Variants in PRKG1 observed in about 807,000 individuals in gnomAD.
The protein encoded by PRKG1 is protein kinase cGMP-dependent 1, also known as cGMP-dependent protein kinase 1.
A neutral mutation model predicts 88.1 loss-of-function variants in PRKG1; 35 were observed. The observed-to-expected ratio is 0.40, with a 90% CI of 0.30 to 0.53. The LOEUF (loss-of-function observed/expected upper bound fraction) is 0.53, where lower values mean the gene tolerates loss of function less well. Ranked by LOEUF, PRKG1 falls within the 20% of genes least tolerant of loss-of-function variation. The pLI, the probability that PRKG1 is intolerant of heterozygous loss-of-function variation, is 0.59. For synonymous variants in PRKG1, 303 were observed against 292.5 expected, an observed-to-expected ratio of 1.04 and a Z score of -0.37; for missense variants, 540 against 839.8, an observed-to-expected ratio of 0.64 and a Z score of 4.41.
intron 8 of PRKG1, among the ~76,000 whole-genome samples, chr10:52,148,985 G>GTTTTTTTTTTTTTTTT (rs1837819341): frequency 1.3e-5 from 1 of 74,692 alleles, no homozygotes; most frequent in African/African-American, 6.7e-5. Flanking sequence ...TTTTTTTTTA[G>GTTTTTTTTTTTTTTTT]GTTTGGAAAG....
At chr10:51,902,199 T>A (rs1589405102) in intron 4 of PRKG1, among the ~76,000 whole-genome samples, 1 of 152,126 alleles carries the variant, frequency 6.6e-6, no homozygotes, top group African/African-American at 2.4e-5. Context: ...TCACCGCAAC[T>A]TCTGCCTCCC....
intron 7 of PRKG1, among the ~76,000 whole-genome samples, chr10:52,086,898 T>C (rs1280485226): frequency 6.6e-6 from 1 of 152,066 alleles, no homozygotes; most frequent in African/African-American, 2.4e-5. Flanking sequence ...GAAGCAAACA[T>C]GTCCTTTTTC....
intron 3 of PRKG1, among the ~76,000 whole-genome samples, chr10:51,500,992 C>A (rs915640071): frequency 6.6e-6 from 1 of 152,054 alleles, no homozygotes; most frequent in East Asian, 1.9e-4. Flanking sequence ...AAGTTCTGAG[C>A]GCTACGTTTC....
rs565030530 is a variant in PRKG1 at position 51,221,517 on chromosome 10, T to C, written c.478+68187T>C. ...CAGTTAACACTAAATTTTACAATGT[T>C]TGTAAATGTGGCTTAGAGGCCAGTC... On this transcript the variant is annotated intron_variant, in intron 2 of 17. Coordinates refer to ENST00000373980, the MANE Select transcript of PRKG1 (RefSeq NM_006258.4). 2.2e-4 allele frequency among the ~76,000 whole-genome samples: 33 copies of C among 152,226 alleles called. No homozygotes were observed. In the South Asian group the frequency reaches 6.2e-3, roughly 29 times the overall value.
intron 5 of PRKG1, among the ~76,000 whole-genome samples, chr10:52,031,800 T>C (rs1845480950): frequency 6.6e-6 from 1 of 152,102 alleles, no homozygotes; most frequent in Non-Finnish European, 1.5e-5. Context: ...GAAACCAAAG[T>C]GTGCTATGTT....
intron 1 of PRKG1, among the ~76,000 whole-genome samples, chr10:51,034,680 A>ATG (rs1843331272): frequency 8.2e-6 from 1 of 121,732 alleles, no homozygotes; most frequent in Non-Finnish European, 1.7e-5. Flanking sequence ...ATATATATAT[A>ATG]TATATATATA....
At chr10:51,334,779 A>G (rs1841831353) in intron 2 of PRKG1, among the ~76,000 whole-genome samples, 1 of 152,154 alleles carries the variant, frequency 6.6e-6, no homozygotes. Context: ...TAGAGGAGTT[A>G]AAGAAGCTTA....
chr10:51,040,814 G>T (rs762100575), intron 1 of PRKG1, among the ~76,000 whole-genome samples: 45 of 151,900 alleles, frequency 3.0e-4, no homozygotes, highest in Non-Finnish European at 5.0e-4. Flanking sequence ...TGTATCCTGC[G>T]TCTTTACTGA....
chr10:51,508,159 C>T (rs1043153936), intron 3 of PRKG1, among the ~76,000 whole-genome samples: 6 of 151,994 alleles, frequency 3.9e-5, no homozygotes, highest in African/African-American at 7.2e-5. Flanking sequence ...TTAAATGAGA[C>T]GGTACATGTA....
rs560283002 is a variant in PRKG1 at position 51,561,206 on chromosome 10, A to G, written c.592+93370A>G. On this transcript the variant is annotated intron_variant, in intron 3 of 17. Coordinates refer to ENST00000373980, the MANE Select transcript of PRKG1 (RefSeq NM_006258.4). ...AGACTATATGCCTATAGTCCCAGATATGCTGGAGGGAGCAGAGGGAAGCTA... is the reference window on the plus strand; with the variant it reads ...AGACTATATGCCTATAGTCCCAGATGTGCTGGAGGGAGCAGAGGGAAGCTA... Among the ~76,000 whole-genome samples, 12 of 152,190 alleles carry G rather than the reference A, an allele frequency of 7.9e-5. 1 individual carries two copies. In the South Asian group the frequency reaches 2.1e-3, roughly 26 times the overall value.
In PRKG1 at chr10:51,757,924, T is replaced by C. The variant is rs1464223379; in HGVS notation, c.593-46661T>C. On this transcript the variant is annotated intron_variant, in intron 3 of 17. Transcript: ENST00000373980. ...CTCTTATTTTTAGTTGTATGCTACCTGAGTCTATCAGTTGCAGCCTAGGAG... is the reference window on the plus strand; with the variant it reads ...CTCTTATTTTTAGTTGTATGCTACCCGAGTCTATCAGTTGCAGCCTAGGAG... Among the ~76,000 whole-genome samples the C allele has an allele frequency of 7.9e-5, 12 of 152,220 alleles. No individual in the cohort carries two copies. In the East Asian group the frequency reaches 2.1e-3, roughly 27 times the overall value.
chr10:51,502,847 A>G (rs1004082832), intron 3 of PRKG1, among the ~76,000 whole-genome samples: 3 of 152,140 alleles, frequency 2.0e-5, no homozygotes, highest in African/African-American at 2.4e-5. Context: ...CTAAATTACA[A>G]TGCCAGGTTT....
chr10:51,849,970 A>C (rs1840502879), intron 4 of PRKG1, among the ~76,000 whole-genome samples: 1 of 152,200 alleles, frequency 6.6e-6, no homozygotes, highest in African/African-American at 2.4e-5. Context: ...TTAGAAAAAC[A>C]GTCTAGTCAT....
At chr10:51,280,839 T>C (rs1840275085) in intron 2 of PRKG1, among the ~76,000 whole-genome samples, 1 of 152,220 alleles carries the variant, frequency 6.6e-6, no homozygotes, top group African/African-American at 2.4e-5. Flanking sequence ...AGAAGTTTGA[T>C]CATCTGAAGC....
At chr10:51,551,116 T>G (rs2132128276) in intron 3 of PRKG1, among the ~76,000 whole-genome samples, 1 of 151,980 alleles carries the variant, frequency 6.6e-6, no homozygotes, top group South Asian at 2.1e-4. Context: ...TGGTATAACT[T>G]TTGTCATCAC....
chr10:51,916,534 T>A (rs886898159), intron 5 of PRKG1, among the ~76,000 whole-genome samples: 3 of 152,228 alleles, frequency 2.0e-5, no homozygotes, highest in Non-Finnish European at 4.4e-5. Flanking sequence ...CTTTACTTTC[T>A]TAATACACTT....
intron 1 of PRKG1, among the ~76,000 whole-genome samples, chr10:51,137,726 G>A (rs987924326): frequency 6.6e-6 from 1 of 152,178 alleles, no homozygotes; most frequent in African/African-American, 2.4e-5. Flanking sequence ...ATGAGGCAGG[G>A]GGTTGATTTA....
At chr10:51,223,163 A>G (rs948263787) in intron 2 of PRKG1, among the ~76,000 whole-genome samples, 1 of 152,076 alleles carries the variant, frequency 6.6e-6, no homozygotes, top group Non-Finnish European at 1.5e-5. Flanking sequence ...GTTTGTACCC[A>G]TTGATCTACA....
At chr10:51,795,716 C>T (rs181024330) in intron 3 of PRKG1, among the ~76,000 whole-genome samples, 4 of 151,984 alleles carry the variant, frequency 2.6e-5, no homozygotes, top group Non-Finnish European at 5.9e-5. Flanking sequence ...TTCTGGGATT[C>T]CTTGAGCATA....
Sources: gnomAD v4.1 joint callset for allele counts (sites outside exome capture counted in the v4.1 genomes callset) on GRCh38, gnomAD v4.1.1 for gene constraint, MANE v1.5 for transcripts, NCBI Gene and HGNC (gene_info 2026-07-23, HGNC 2026-07-21) for gene names.